Variants in IL1RAPL2 observed in about 807,000 individuals in gnomAD.
IL1RAPL2 encodes X-linked interleukin-1 receptor accessory protein-like 2.
A neutral mutation model predicts 44.1 loss-of-function variants in IL1RAPL2; 3 were observed. The observed-to-expected ratio is 0.07, with a 90% CI of 0.03 to 0.18. The LOEUF is 0.18. Among genes scored for constraint, IL1RAPL2 ranks in the 10% least tolerant of loss-of-function variants. IL1RAPL2 has a pLI of 1.00. For synonymous variants in IL1RAPL2, 181 were observed against 178.8 expected (o/e 1.01, Z -0.10); for missense variants, 391 against 496.4 (o/e 0.79, Z 2.02).
intron 2 of IL1RAPL2, among the ~76,000 whole-genome samples, chrX:104,886,516 G>A (rs1336041808): frequency 4.5e-5 from 5 of 112,131 alleles, no homozygotes; most frequent in Non-Finnish European, 7.5e-5. Context: ...AGCAGTCCCT[G>A]CAACACCCCA....
At chrX:105,185,550 T>C (rs1274357251) in intron 2 of IL1RAPL2, among the ~76,000 whole-genome samples, 1 of 111,644 alleles carries the variant, frequency 9.0e-6, no homozygotes, top group Non-Finnish European at 1.9e-5. Flanking sequence ...TTCATTTCTT[T>C]AAGGAGTAGA....
At chrX:105,423,533 C>T (rs1000829870) in intron 5 of IL1RAPL2, among the ~76,000 whole-genome samples, 1 of 111,161 alleles carries the variant, frequency 9.0e-6, no homozygotes, top group Non-Finnish European at 1.9e-5. Context: ...AGATTTGACC[C>T]AGTCAGGTAG....
At chrX:105,525,333 C>T (rs1212936962) in intron 6 of IL1RAPL2, among the ~76,000 whole-genome samples, 2 of 110,004 alleles carry the variant, frequency 1.8e-5, no homozygotes, top group African/African-American at 3.3e-5. Context: ...TTTAAATTAG[C>T]GTTTTCTCAT....
At chrX:105,036,589 A>G (rs1040221256) in intron 2 of IL1RAPL2, among the ~76,000 whole-genome samples, 2 of 112,309 alleles carry the variant, frequency 1.8e-5, no homozygotes, top group African/African-American at 3.2e-5. Context: ...TGAAAATTCA[A>G]TGACAGTTTT....
At chrX:104,914,196 C>T (rs890851311) in intron 2 of IL1RAPL2, among the ~76,000 whole-genome samples, 1 of 111,388 alleles carries the variant, frequency 9.0e-6, no homozygotes, top group African/African-American at 3.3e-5. Flanking sequence ...ACAAACAAAA[C>T]TGACCAGGTG....
intron 2 of IL1RAPL2, among the ~76,000 whole-genome samples, chrX:105,128,821 G>A (rs187403276): frequency 1.8e-5 from 2 of 111,070 alleles, no homozygotes; most frequent in East Asian, 2.8e-4. Context: ...TACATGTTTC[G>A]TATCTAATAT....
chrX:104,835,837 T>A (rs1017032878), intron 2 of IL1RAPL2, among the ~76,000 whole-genome samples: 1 of 112,227 alleles, frequency 8.9e-6, no homozygotes, highest in Non-Finnish European at 1.9e-5. Context: ...AAAATAACTT[T>A]CTTAAGTTCC....
At chrX:105,652,792 G>A (rs1404568861) in intron 6 of IL1RAPL2, among the ~76,000 whole-genome samples, 1 of 111,204 alleles carries the variant, frequency 9.0e-6, no homozygotes, top group African/African-American at 3.3e-5. Flanking sequence ...GACTTGAAGG[G>A]AAGAACTGTG....
At chrX:104,941,774 C>T (rs1925182727) in intron 2 of IL1RAPL2, among the ~76,000 whole-genome samples, 1 of 111,690 alleles carries the variant, frequency 9.0e-6, no homozygotes, top group African/African-American at 3.3e-5. Context: ...AGTCCTTGCC[C>T]ATGCCCATGT....
chrX:105,249,391 CA>C (rs761524336), intron 4 of IL1RAPL2, among the ~76,000 whole-genome samples: 3 of 110,243 alleles, frequency 2.7e-5, no homozygotes, highest in Admixed American at 9.7e-5. Context: ...TTAATGGATA[CA>C]AAAAAATAGT....
intron 2 of IL1RAPL2, among the ~76,000 whole-genome samples, chrX:104,728,254 A>G (rs1931836353): frequency 8.9e-6 from 1 of 111,923 alleles, no homozygotes; most frequent in African/African-American, 3.2e-5. Context: ...GAAATAATTT[A>G]CTACTCATAG....
chrX:105,161,423 A>G (rs1251585837), intron 2 of IL1RAPL2, among the ~76,000 whole-genome samples: 1 of 109,459 alleles, frequency 9.1e-6, no homozygotes, highest in Non-Finnish European at 1.9e-5. Context: ...TGATGGTGCC[A>G]TAGCAAAATT....
At chrX:104,963,938 A>T (rs112577518) in intron 2 of IL1RAPL2, among the ~76,000 whole-genome samples, 8 of 43,111 alleles carry the variant, frequency 1.9e-4, no homozygotes, top group African/African-American at 4.0e-4. Flanking sequence ...TGTGTGTGAG[A>T]GAGAGAGAGA....
chrX:104,949,140 G>T (rs1213705708), intron 2 of IL1RAPL2, among the ~76,000 whole-genome samples: 4 of 110,122 alleles, frequency 3.6e-5, no homozygotes, highest in East Asian at 2.8e-4. Flanking sequence ...TCCTGGTTTA[G>T]TCTTGGGAGA....
chrX:104,578,094 G>A (rs969905849), intron 1 of IL1RAPL2, among the ~76,000 whole-genome samples: 2 of 111,506 alleles, frequency 1.8e-5, no homozygotes, highest in Admixed American at 9.5e-5. Flanking sequence ...GCCAGGAATA[G>A]CAACACATTA....
At chrX:105,090,055 G>T (rs751083460) in intron 2 of IL1RAPL2, among the ~76,000 whole-genome samples, 15 of 111,744 alleles carry the variant, frequency 1.3e-4, no homozygotes, top group African/African-American at 3.9e-4. Context: ...AGAAAGGAAG[G>T]AGGATAAAGA....
chrX:105,710,741 T>A (rs1221611592), intron 6 of IL1RAPL2, among the ~76,000 whole-genome samples: 1 of 109,596 alleles, frequency 9.1e-6, no homozygotes, highest in Non-Finnish European at 1.9e-5. Flanking sequence ...TTAATTCCTA[T>A]CTGAGCCTGT....
intron 2 of IL1RAPL2, among the ~76,000 whole-genome samples, chrX:104,904,824 G>A (rs1368474567): frequency 2.8e-5 from 3 of 107,002 alleles, no homozygotes; most frequent in Non-Finnish European, 5.7e-5. Flanking sequence ...ACCCAGTAAT[G>A]GGATGGCTGT....
intron 2 of IL1RAPL2, among the ~76,000 whole-genome samples, chrX:104,870,678 T>C (rs1202068248): frequency 1.8e-5 from 2 of 111,992 alleles, no homozygotes; most frequent in Non-Finnish European, 3.8e-5. Flanking sequence ...TACACTATTA[T>C]GGAAAATTGT....
Sources: gnomAD v4.1 joint callset for allele counts (sites outside exome capture counted in the v4.1 genomes callset) on GRCh38, gnomAD v4.1.1 for gene constraint, MANE v1.5 for transcripts, NCBI Gene and HGNC (gene_info 2026-07-23, HGNC 2026-07-21) for gene names.